Variants in MYO6 observed in about 807,000 individuals in gnomAD.
The protein encoded by MYO6 is unconventional myosin-VI.
MYO6 carries 74 observed loss-of-function variants against 178.7 expected under a neutral mutation model. The ratio of observed to expected loss-of-function variants is 0.41; its 90% CI spans 0.34 to 0.50. The LOEUF is 0.50. MYO6 is among the 20% of genes least tolerant of loss of function. MYO6 has a pLI of 0.09. For missense variants in MYO6, 1,330 were observed against 1,547.4 expected (o/e 0.86, Z 2.36); for synonymous variants, 477 against 504.6 (o/e 0.95, Z 0.73).
chr6:75,862,395 A>G (rs1028719106), intron 15 of MYO6, among the ~76,000 whole-genome samples: 1 of 152,206 alleles, frequency 6.6e-6, no homozygotes, highest in Non-Finnish European at 1.5e-5. Flanking sequence ...TATATTAAAT[A>G]TATACTGTTA....
At chr6:75,908,023 A>T (rs1010204120) in intron 31 of MYO6, among the ~76,000 whole-genome samples, 2 of 152,178 alleles carry the variant, frequency 1.3e-5, no homozygotes, top group African/African-American at 4.8e-5. Context: ...TATGAGTAGG[A>T]ACGATGAATT....
chr6:75,805,002 CATAT>C (rs749031242), intron 1 of MYO6, among the ~76,000 whole-genome samples: 3 of 63,968 alleles, frequency 4.7e-5, no homozygotes, highest in African/African-American at 7.6e-5. Context: ...TACACACACA[CATAT>C]ATATATATAT....
chr6:75,766,510 G>A (rs1195212477), intron 1 of MYO6, among the ~76,000 whole-genome samples: 1 of 152,050 alleles, frequency 6.6e-6, no homozygotes, highest in Non-Finnish European at 1.5e-5. Context: ...ATTTCAGTTT[G>A]TGAAGGTGCA....
intron 20 of MYO6, among the ~76,000 whole-genome samples, chr6:75,877,038 G>T (rs1489778388): frequency 6.6e-6 from 1 of 150,768 alleles, no homozygotes; most frequent in Non-Finnish European, 1.5e-5. Context: ...GCAATGGTGC[G>T]CTCTTGGCTC....
intron 1 of MYO6, among the ~76,000 whole-genome samples, chr6:75,777,952 G>T (rs1319073394): frequency 6.6e-6 from 1 of 152,058 alleles, no homozygotes; most frequent in Non-Finnish European, 1.5e-5. Flanking sequence ...TAGAGAAATG[G>T]ATATTTTGAT....
intron 19 of MYO6, among the ~76,000 whole-genome samples, chr6:75,872,293 A>G (rs1299342976): frequency 6.6e-6 from 1 of 152,242 alleles, no homozygotes; most frequent in Non-Finnish European, 1.5e-5. Flanking sequence ...TGTATACATA[A>G]TCAGTATTCT....
At chr6:75,787,678 C>CCA (rs1438717759) in intron 1 of MYO6, among the ~76,000 whole-genome samples, 82 of 12,056 alleles carry the variant, frequency 6.8e-3, no homozygotes, top group Admixed American at 0.062. Context: ...TGGAACTATT[C>CCA]TCTCTCTCTC....
At chr6:75,897,197 G>T (rs1779369802) in intron 29 of MYO6, among the ~76,000 whole-genome samples, 1 of 152,148 alleles carries the variant, frequency 6.6e-6, no homozygotes, top group South Asian at 2.1e-4. Flanking sequence ...AAAAACAGAT[G>T]CTCTTGAATC....
intron 1 of MYO6, among the ~76,000 whole-genome samples, chr6:75,764,606 G>T (rs1239386591): frequency 6.6e-6 from 1 of 151,880 alleles, no homozygotes; most frequent in Non-Finnish European, 1.5e-5. Context: ...GCTTTGTAAG[G>T]TTTTTTTTGA....
intron 1 of MYO6, among the ~76,000 whole-genome samples, chr6:75,804,272 A>G (rs1769774024): frequency 6.6e-6 from 1 of 152,218 alleles, no homozygotes; most frequent in Admixed American, 6.5e-5. Flanking sequence ...GGTGCACACA[A>G]AACTTACTAG....
intron 16 of MYO6, chr6:75,865,300 G>A (rs1214099101): frequency 6.9e-6 from 1 of 145,128 alleles, no homozygotes; most frequent in East Asian, 2.1e-4. Context: ...GAGATCAGAT[G>A]AGATTAGGCG....
intron 30 of MYO6, among the ~76,000 whole-genome samples, chr6:75,900,184 C>T (rs1277282749): frequency 6.6e-6 from 1 of 151,792 alleles, no homozygotes; most frequent in East Asian, 1.9e-4. Flanking sequence ...TGAATAATGC[C>T]ACAATAAACA....
At chr6:75,833,112 G>A (rs1049472874) in intron 6 of MYO6, among the ~76,000 whole-genome samples, 165 bp downstream of exon 6, 24 of 152,090 alleles carry the variant, frequency 1.6e-4, no homozygotes, top group Admixed American at 4.6e-4. Context: ...TCATTCTCCC[G>A]AATGGCTGGG....
intron 8 of MYO6, 66 bp from the exon 9 acceptor site, chr6:75,841,148 C>A: frequency 6.9e-7 from 1 of 1,439,556 alleles, no homozygotes; most frequent in African/African-American, 1.4e-5. Context: ...AATAATTTAA[C>A]ATTGGTTAAT....
intron 30 of MYO6, among the ~76,000 whole-genome samples, chr6:75,901,303 G>C (rs1314197751): frequency 2.0e-5 from 3 of 152,118 alleles, no homozygotes; most frequent in Admixed American, 6.6e-5. Context: ...GGATGGCATT[G>C]AATCTGTAAA....
chr6:75,786,418 G>A (rs1332446747), intron 1 of MYO6, among the ~76,000 whole-genome samples: 1 of 152,156 alleles, frequency 6.6e-6, no homozygotes, highest in South Asian at 2.1e-4. Context: ...CAAGTTCCTG[G>A]AAGAAAATCT....
chr6:75,771,015 T>A (rs529952178), intron 1 of MYO6, among the ~76,000 whole-genome samples: 1 of 151,004 alleles, frequency 6.6e-6, no homozygotes, highest in Admixed American at 6.6e-5. Flanking sequence ...TTTTTTTTTT[T>A]CCCCCCTGAG....
intron 1 of MYO6, among the ~76,000 whole-genome samples, chr6:75,751,701 A>G (rs1261398155): frequency 6.6e-6 from 1 of 152,158 alleles, no homozygotes; most frequent in African/African-American, 2.4e-5. Context: ...TCTGTGGTGT[A>G]TCATGTAGCC....
rs750169450 is a variant in MYO6 at position 75,895,260 on chromosome 6, C to A, written c.3137C>A (p.Pro1046Gln). ...RNDGTRPKMTPEQMAKEMSEF... is the reference protein window; with the variant it reads ...RNDGTRPKMTQEQMAKEMSEF... ...GATGGAACAAGACCCAAAATGACAC[C>A]GTATGTCACTTACCTTTACCTTTTT... Residue 1046 changes from proline to glutamine, a missense_variant and splice_region_variant, in exon 29 of 35, where the codon CCG becomes CAG. Transcript: ENST00000369977. 1 of 1,605,206 alleles carries A rather than the reference C, an allele frequency of 6.2e-7. No individual in the cohort carries two copies. The highest frequency in any genetic ancestry group is 8.5e-7 in the Non-Finnish European group (1 of 1,172,930).
Sources: gnomAD v4.1 joint callset for allele counts (sites outside exome capture counted in the v4.1 genomes callset) on GRCh38, gnomAD v4.1.1 for gene constraint, MANE v1.5 for transcripts, NCBI Gene and HGNC (gene_info 2026-07-23, HGNC 2026-07-21) for gene names.